Variants in HECW2 observed in about 807,000 individuals in gnomAD.
The protein encoded by HECW2 is E3 ubiquitin-protein ligase HECW2.
HECW2 carries 61 observed loss-of-function variants against 175.2 expected under a neutral mutation model. That is an observed-to-expected ratio of 0.35 (90% confidence interval 0.28 to 0.43). HECW2 has a LOEUF of 0.43. HECW2 is among the 20% of genes least tolerant of loss of function. HECW2 has a pLI of 1.00. For missense variants in HECW2, 1,524 were observed against 2,000.5 expected, an observed-to-expected ratio of 0.76 and a Z score of 4.54; for synonymous variants, 671 against 731.0, an observed-to-expected ratio of 0.92 and a Z score of 1.32.
rs76395582 is a variant in HECW2 at position 196,536,177 on chromosome 2, G to A, written c.-36+57331C>T. On this transcript the variant is annotated intron_variant, in intron 1 of 28. Transcript: ENST00000644978. ...GCATGAAGGACACACTGAACAAGCC[G>A]ATAATTAATAGGTCTCATCAACCAG... Among the ~76,000 whole-genome samples, 654 of 152,272 alleles carry A rather than the reference G, an allele frequency of 4.3e-3. 3 individuals are homozygous for A. The highest frequency in any genetic ancestry group is 0.015 in the African/African-American group (621 of 41,560).
At chr2:196,278,457 A>G in intron 15 of HECW2, 71 bp downstream of exon 15, 1 of 1,491,212 alleles carries the variant, frequency 6.7e-7, no homozygotes, top group Middle Eastern at 1.8e-4. Flanking sequence ...AAATCAGTCA[A>G]ATTCCTCAAA....
rs573870459 is a variant in HECW2, at chr2:196,370,096, C to T, written c.293-26332G>A. ...CTTTTCTCAAGCAGAAGGAGTCCCT[C>T]CCCTTAGCTGCCACAGCTGGGAATC... is the stretch of plus-strand genomic sequence containing the variant. On this transcript the variant is annotated intron_variant, in intron 2 of 28. Coordinates refer to ENST00000644978, the MANE Select transcript of HECW2 (RefSeq NM_001348768.2). Among the ~76,000 whole-genome samples, 9 of 151,972 alleles carry T rather than the reference C, an allele frequency of 5.9e-5. No individual in the cohort carries two copies. In the East Asian group the frequency reaches 1.8e-3, roughly 30 times the overall value.
intron 2 of HECW2, among the ~76,000 whole-genome samples, chr2:196,357,878 A>G (rs1401562661): frequency 6.6e-6 from 1 of 152,212 alleles, no homozygotes; most frequent in Non-Finnish European, 1.5e-5. Context: ...AGGCCTCCCC[A>G]GCCATGTGGA....
chr2:196,557,861 CTTTGT>C (rs1402732160), intron 1 of HECW2, among the ~76,000 whole-genome samples: 4 of 151,774 alleles, frequency 2.6e-5, no homozygotes, highest in African/African-American at 2.4e-5. Context: ...GATTTTTTTT[CTTTGT>C]TTTATTTTAC....
chr2:196,328,586 G>C (rs991601395), intron 5 of HECW2, among the ~76,000 whole-genome samples: 1 of 151,954 alleles, frequency 6.6e-6, no homozygotes, highest in Non-Finnish European at 1.5e-5. Context: ...GTCTTTTAAC[G>C]CTCACTCTCA....
chr2:196,463,923 G>A (rs554498724), intron 1 of HECW2, among the ~76,000 whole-genome samples: 36 of 152,188 alleles, frequency 2.4e-4, no homozygotes, highest in African/African-American at 8.2e-4. Context: ...CAAAGGAACT[G>A]AAAGTAAGTA....
intron 1 of HECW2, among the ~76,000 whole-genome samples, chr2:196,554,646 C>T (rs190588628): frequency 2.2e-4 from 34 of 152,298 alleles, no homozygotes; most frequent in African/African-American, 8.2e-4. Context: ...AACCTGCTTT[C>T]TAAAATCACT....
At chr2:196,381,332 T>C (rs989667278) in intron 2 of HECW2, among the ~76,000 whole-genome samples, 10 of 152,200 alleles carry the variant, frequency 6.6e-5, no homozygotes, top group Non-Finnish European at 1.3e-4. Context: ...TGGACTATGA[T>C]AGTAGCTTCT....
intron 2 of HECW2, among the ~76,000 whole-genome samples, chr2:196,419,683 T>C (rs745497865): frequency 1.3e-5 from 2 of 152,250 alleles, no homozygotes; most frequent in Admixed American, 6.5e-5. Context: ...CAGTAGGTTC[T>C]CAACAAATGT....
At chr2:196,308,271 T>TA (rs1474378332) in intron 10 of HECW2, 186 bp from the exon 11 acceptor site, 9 of 414,908 alleles carry the variant, frequency 2.2e-5, no homozygotes, top group African/African-American at 1.4e-4. Context: ...ACTGATTATT[T>TA]AGCCTATCCT....
At chr2:196,431,807 T>G (rs1306140986) in intron 2 of HECW2, among the ~76,000 whole-genome samples, 1 of 152,220 alleles carries the variant, frequency 6.6e-6, no homozygotes, top group Admixed American at 6.5e-5. Context: ...AAAAGAGAGA[T>G]AACAATTCAT....
At chr2:196,549,656 T>C (rs74852822) in intron 1 of HECW2, among the ~76,000 whole-genome samples, 4,144 of 152,168 alleles carry the variant, frequency 0.027, 95 homozygotes, top group Non-Finnish European at 0.039. Flanking sequence ...TATCTACACA[T>C]TGAAACTACT....
chr2:196,346,316 A>C (rs1692952241), intron 2 of HECW2, among the ~76,000 whole-genome samples: 1 of 152,236 alleles, frequency 6.6e-6, no homozygotes. Context: ...GTCAAAAATT[A>C]GAATGGATGG....
intron 3 of HECW2, among the ~76,000 whole-genome samples, chr2:196,337,837 G>C (rs769881178): frequency 1.3e-4 from 20 of 152,114 alleles, no homozygotes; most frequent in South Asian, 2.1e-4. Context: ...GAGAACAGAG[G>C]ATGAGCGGCA....
intron 1 of HECW2, among the ~76,000 whole-genome samples, chr2:196,470,135 G>T (rs139545267): frequency 0.012 from 1,754 of 152,122 alleles, 38 homozygotes; most frequent in African/African-American, 0.04. Context: ...ACACAGCCAA[G>T]TAACAGAGAT....
chr2:196,361,020 T>C (rs1036646619), intron 2 of HECW2, among the ~76,000 whole-genome samples: 1 of 152,152 alleles, frequency 6.6e-6, no homozygotes, highest in African/African-American at 2.4e-5. Context: ...GCAATAAAAA[T>C]GAACATCACC....
At chr2:196,234,869 C>T (rs568388778) in intron 21 of HECW2, among the ~76,000 whole-genome samples, 6 of 152,156 alleles carry the variant, frequency 3.9e-5, no homozygotes, top group Non-Finnish European at 7.3e-5. Context: ...TGCCGATCTC[C>T]CTTCCCCACA....
intron 22 of HECW2, 67 bp downstream of exon 22, chr2:196,228,035 G>A: frequency 2.2e-6 from 3 of 1,361,320 alleles, no homozygotes; most frequent in Non-Finnish European, 2.0e-6. Flanking sequence ...TTTAAATGTG[G>A]GTTCTATAAA....
chr2:196,569,223 C>A (rs368982914), intron 1 of HECW2, among the ~76,000 whole-genome samples: 2 of 152,080 alleles, frequency 1.3e-5, no homozygotes, highest in African/African-American at 4.8e-5. Flanking sequence ...ACATCTGTAA[C>A]CTTGGCTACT....
Sources: allele counts gnomAD v4.1 joint callset (sites outside exome capture counted in the v4.1 genomes callset), GRCh38; gene constraint gnomAD v4.1.1; transcripts MANE v1.5; gene names NCBI Gene and HGNC (gene_info 2026-07-23, HGNC 2026-07-21).